Variants in EIF2B5 observed in about 807,000 individuals in gnomAD.
The protein encoded by EIF2B5 is translation initiation factor eIF2B subunit epsilon.
In EIF2B5, 38 loss-of-function variants were observed where a neutral mutation model predicts 87.3. That is an observed-to-expected ratio of 0.44 (90% confidence interval 0.34 to 0.57). The LOEUF is 0.57. EIF2B5 is among the 20% of genes least tolerant of loss of function. The probability of loss-of-function intolerance (pLI) is 0.02; values close to 1 mark genes in which losing one functional copy is unlikely to be tolerated. For synonymous variants in EIF2B5, 313 were observed against 339.6 expected (o/e 0.92, Z 0.86); for missense variants, 784 against 909.5 (o/e 0.86, Z 1.78).
chr3:184,144,850 T>TC (rs1370431183), intron 15 of EIF2B5, 34 bp from the exon 16 acceptor site: 1 of 1,609,312 alleles, frequency 6.2e-7, no homozygotes, highest in African/African-American at 1.3e-5. Flanking sequence ...TATGTGCACC[T>TC]CCCCCAGCCG....
chr3:184,143,282 G>A (rs1239244650), intron 12 of EIF2B5, 140 bp downstream of exon 12: 3 of 1,451,426 alleles, frequency 2.1e-6, no homozygotes, highest in Middle Eastern at 1.9e-4. Context: ...AGCAAGGAGA[G>A]CATTATTAAG....
In EIF2B5 at chr3:184,142,470, G is replaced by T. The variant is rs187135257; in HGVS notation, c.1445-32G>T. On this transcript the variant is annotated intron_variant, in intron 9 of 15. Coordinates refer to ENST00000648915, the MANE Select transcript of EIF2B5 (RefSeq NM_003907.3). The surrounding 1 kb of genome is among the most constrained non-coding windows in gnomAD (Gnocchi z 5.0). ...TCCTGGAGGGATTGGTGCTTCCGCC[G>T]GGCCCTCTCTATAGATCATTGCCTT... 13 of 1,614,010 alleles carry T rather than the reference G, an allele frequency of 8.1e-6. No homozygotes were observed. The highest frequency in any genetic ancestry group is 1.1e-5 in the Non-Finnish European group (13 of 1,179,974).
At chr3:184,136,195 G>A (rs1456468930) in intron 1 of EIF2B5, among the ~76,000 whole-genome samples, 1 of 152,174 alleles carries the variant, frequency 6.6e-6, no homozygotes, top group Non-Finnish European at 1.5e-5. Flanking sequence ...CCTCGAAAAA[G>A]CCTAATGGCT....
chr3:184,139,663 A>G (rs748272586), intron 5 of EIF2B5, among the ~76,000 whole-genome samples: 5 of 150,356 alleles, frequency 3.3e-5, no homozygotes, highest in Non-Finnish European at 5.9e-5. Flanking sequence ...ATTCTGGTCC[A>G]TGTTCAGCTG....
rs770111298 is a variant in EIF2B5 at position 184,142,389 on chromosome 3, C to T, written c.1444+11C>T. The T allele has an allele frequency of 1.9e-6, 3 of 1,614,206 alleles. No homozygotes were observed. The highest frequency in any genetic ancestry group is 2.2e-5 in the South Asian group (2 of 91,080). ...AAGTGAAGATGAAAGGTGTGAGACT[C>T]AACAGGTGTGGGGCATCTGTGTGTC... On this transcript the variant is annotated intron_variant, in intron 9 of 15. Coordinates refer to ENST00000648915, the MANE Select transcript of EIF2B5 (RefSeq NM_003907.3). The surrounding 1 kb of genome is among the most constrained non-coding windows in gnomAD (Gnocchi z 5.0).
chr3:184,137,042 C>T lies in EIF2B5; in HGVS notation c.320+306C>T, dbSNP rs73044237. ...TTCAGTATGGAAGTTACAATGATAA[C>T]ATCTTTGTTTTCCCACTGAGTTTCT... On this transcript the variant is annotated intron_variant, in intron 2 of 15. Coordinates refer to ENST00000648915, the MANE Select transcript of EIF2B5 (RefSeq NM_003907.3). 1.3e-3 allele frequency: 500 copies of T among 398,292 alleles called. 1 individual carries two copies. Among genetic ancestry groups the T allele is most frequent in the African/African-American group, 9.3e-3 (452 of 48,726 alleles). The allele number at this position is 398,292 out of a possible 1,614,324, so 24.7% of individuals were successfully genotyped here.
intron 14 of EIF2B5, 128 bp downstream of exon 14, chr3:184,144,352 T>C (rs1442784380): frequency 1.3e-5 from 19 of 1,471,996 alleles, no homozygotes; most frequent in Non-Finnish European, 1.7e-5. Context: ...ATATGCTTAT[T>C]GCTAGAATAG....
At position 184,142,074 on chromosome 3, in the gene EIF2B5, A is replaced by C. The variant is rs1713659812; in HGVS notation, c.1302+4A>C. 6.2e-7 allele frequency: 1 copy of C among 1,614,048 alleles called. No homozygotes were observed. Among genetic ancestry groups the C allele is most frequent in the African/African-American group, 1.3e-5 (1 of 74,916 alleles). On this transcript the variant is annotated splice_donor_region_variant and intron_variant, in intron 8 of 15. Coordinates refer to ENST00000648915, the MANE Select transcript of EIF2B5 (RefSeq NM_003907.3). This position sits in a 1 kb window ranked among gnomAD's most constrained non-coding sequence, Gnocchi z 5.0. ...ACGCTCTGTCCTCACTTCCCAGGTG[A>C]GACCTGATCTATACTGTGCACAGGC...
In EIF2B5 at chr3:184,138,085, T is replaced by C. The variant is rs1226124442; in HGVS notation, c.684+10T>C. ...TTTTGCATTTCCTCTGGTGTGTGGATATCTGGGGTCCTTTGAGATGGGGAA... is the reference window on the plus strand; with the variant it reads ...TTTTGCATTTCCTCTGGTGTGTGGACATCTGGGGTCCTTTGAGATGGGGAA... On this transcript the variant is annotated intron_variant, in intron 4 of 15. Coordinates refer to ENST00000648915, the MANE Select transcript of EIF2B5 (RefSeq NM_003907.3). 1 of 1,614,184 alleles carries C rather than the reference T, an allele frequency of 6.2e-7. No homozygotes were observed.
At chr3:184,143,213 G>A (rs553942278) in intron 12 of EIF2B5, 71 bp downstream of exon 12, 2 of 1,555,446 alleles carry the variant, frequency 1.3e-6, no homozygotes, top group Admixed American at 1.8e-5. Flanking sequence ...TAAGTGTTTT[G>A]TCTCCAAATA....
intron 5 of EIF2B5, 36 bp from the exon 6 acceptor site, chr3:184,140,044 T>A (rs777346123): frequency 6.6e-7 from 1 of 1,507,890 alleles, no homozygotes; most frequent in Non-Finnish European, 9.2e-7. Flanking sequence ...AAAAGAATAG[T>A]ACTTAATTCT....
chr3:184,137,929 G>T lies in EIF2B5; in HGVS notation c.538G>T (p.Val180Leu). ...LRRKLEKNVS[V>L]MTMIFKESSP... ...ACGGAAGCTAGAAAAAAATGTTTCTGTGATGACGATGATCTTCAAGGAGTC... is the reference window on the plus strand; with the variant it reads ...ACGGAAGCTAGAAAAAAATGTTTCTTTGATGACGATGATCTTCAAGGAGTC... The change falls in exon 4 of 16, where the codon GTG becomes TTG. Residue 180 changes from valine (V) to leucine (L), a missense_variant. Around this residue, in one of 3 missense-constraint regions of EIF2B5, gnomAD observed 660 missense variants for 789.5 expected, o/e 0.84. Coordinates refer to ENST00000648915, the MANE Select transcript of EIF2B5 (RefSeq NM_003907.3). The T allele has an allele frequency of 1.2e-6, 2 of 1,614,228 alleles. No homozygotes were observed. Among genetic ancestry groups the T allele is most frequent in the East Asian group, 2.2e-5 (1 of 44,886 alleles).
intron 1 of EIF2B5, among the ~76,000 whole-genome samples, chr3:184,136,306 A>G (rs1311452522): frequency 2.0e-5 from 3 of 152,224 alleles, no homozygotes; most frequent in Non-Finnish European, 2.9e-5. Context: ...CAATGCTTAA[A>G]TTTATGGAAA....
Position 184,137,955 on chromosome 3 carries a change from A to G in EIF2B5, c.564A>G (p.Ser188=). Residue 188 remains serine, a synonymous_variant, in exon 4 of 16, where the codon TCA becomes TCG. Coordinates refer to ENST00000648915, the MANE Select transcript of EIF2B5 (RefSeq NM_003907.3). ...VSVMTMIFKE[S]SPSHPTRCHE... ...TGATGACGATGATCTTCAAGGAGTCATCCCCCAGCCACCCAACTCGTTGCC... is the reference window on the plus strand; with the variant it reads ...TGATGACGATGATCTTCAAGGAGTCGTCCCCCAGCCACCCAACTCGTTGCC... 1 of 1,614,222 alleles carries G rather than the reference A, an allele frequency of 6.2e-7. No individual in the cohort carries two copies. Among genetic ancestry groups the G allele is most frequent in the Non-Finnish European group, 8.5e-7 (1 of 1,180,036 alleles).
At chr3:184,144,362 G>GTAA in intron 14 of EIF2B5, 138 bp downstream of exon 14, 1 of 1,433,874 alleles carries the variant, frequency 7.0e-7, no homozygotes, top group Non-Finnish European at 9.7e-7. Flanking sequence ...TGCTAGAATA[G>GTAA]TACAGCTTGG....
rs368100448 is a variant in EIF2B5 at position 184,140,172 on chromosome 3, C to T, written c.843+15C>T. 2.6e-5 allele frequency: 42 copies of T among 1,608,116 alleles called. No individual in the cohort carries two copies. The African/African-American group carries it at 5.1e-4, about 19-fold the overall frequency. On this transcript the variant is annotated intron_variant, in intron 6 of 15. Coordinates refer to ENST00000648915, the MANE Select transcript of EIF2B5 (RefSeq NM_003907.3). ...TGAATGAGGAGGTGAGAAAAGTCTTCCAATGCCTCTTTAGGAGAGAGGAGA... is the reference window on the plus strand; with the variant it reads ...TGAATGAGGAGGTGAGAAAAGTCTTTCAATGCCTCTTTAGGAGAGAGGAGA...
intron 1 of EIF2B5, 165 bp downstream of exon 1, chr3:184,135,745 C>G: frequency 1.0e-6 from 1 of 963,866 alleles, no homozygotes; most frequent in Non-Finnish European, 1.5e-6. Context: ...TGACTGCTGA[C>G]CAAGTTAGTG....
chr3:184,138,187 G>A lies in EIF2B5; in HGVS notation c.706G>A (p.Asp236Asn). The A allele has an allele frequency of 6.2e-7, 1 of 1,614,122 alleles. No individual in the cohort carries two copies. Among genetic ancestry groups the A allele is most frequent in the South Asian group, 1.1e-5 (1 of 91,076 alleles). Reference sequence around the variant, plus strand: ...ACAGAGCCTGTTTCAGGGCAGTAGTGATGGAGTGGAGGTTCGATATGATTT... The same window carrying A: ...ACAGAGCCTGTTTCAGGGCAGTAGTAATGGAGTGGAGGTTCGATATGATTT... ...FPLSLFQGSS[D>N]GVEVRYDLLD... The change falls in exon 5 of 16, where the codon GAT becomes AAT. Residue 236 changes from aspartate to asparagine, a missense_variant. Physicochemically the swap from Asp to Asn is conservative, Grantham distance 23. This residue lies in a region of EIF2B5 where 660 missense variants were observed against 789.5 expected (regional missense o/e 0.84). Transcript: ENST00000648915.
At chr3:184,137,521 GAGA>G (rs1318605172) in intron 2 of EIF2B5, 96 bp from the exon 3 acceptor site, 3 of 1,259,262 alleles carry the variant, frequency 2.4e-6, no homozygotes, top group African/African-American at 1.5e-5. Flanking sequence ...AAAAGCCATC[GAGA>G]AGGACTGTGA....
Sources: allele counts gnomAD v4.1 joint callset (sites outside exome capture counted in the v4.1 genomes callset), GRCh38; gene constraint gnomAD v4.1.1; regional missense constraint gnomAD v4.1.1; non-coding constraint Gnocchi (gnomAD v3.1); transcripts MANE v1.5; gene names NCBI Gene and HGNC (gene_info 2026-07-23, HGNC 2026-07-21).